The following KATNAL2 variants were observed in gnomAD, a reference collection of about 807,000 sequenced individuals.
KATNAL2 encodes katanin p60 ATPase-containing subunit A-like 2.
KATNAL2 carries 52 observed loss-of-function variants against 76.3 expected under a neutral mutation model. The observed-to-expected ratio is 0.68, with a 90% CI of 0.55 to 0.86. KATNAL2 has a LOEUF of 0.86. Ranked by LOEUF, KATNAL2 falls within the 40% of genes least tolerant of loss-of-function variation. The pLI, the probability that KATNAL2 is intolerant of heterozygous loss-of-function variation, is 0.00. For synonymous variants in KATNAL2, 243 were observed against 244.2 expected, an observed-to-expected ratio of 1.00 and a Z score of 0.05; for missense variants, 660 against 668.9, an observed-to-expected ratio of 0.99 and a Z score of 0.15.
At chr18:47,093,203 T>C (rs1034800487) in intron 15 of KATNAL2, among the ~76,000 whole-genome samples, 14 of 152,220 alleles carry the variant, frequency 9.2e-5, no homozygotes, top group African/African-American at 2.7e-4. Flanking sequence ...TAAATCTTCA[T>C]GCCTGCCTCA....
chr18:47,031,722 A>T (rs1206521721), intron 3 of KATNAL2, among the ~76,000 whole-genome samples: 1 of 151,996 alleles, frequency 6.6e-6, no homozygotes, highest in African/African-American at 2.4e-5. Flanking sequence ...TATGTGATCC[A>T]CCCACCTCGG....
At chr18:46,965,592 C>T (rs1940288912) in intron 3 of KATNAL2, among the ~76,000 whole-genome samples, 7 of 100,896 alleles carry the variant, frequency 6.9e-5, no homozygotes, top group Admixed American at 1.7e-4. Flanking sequence ...CCCCCCCCCC[C>T]CCGCCCCCAA....
In KATNAL2 at chr18:47,033,252, C is replaced by G. The variant is rs757280925; in HGVS notation, c.52-13205C>G. ...CCGCGGGCTTGGAGGCTGGCTTGAT[C>G]TCCCCATTTTCGGGGTCAGCGTCTC... On this transcript the variant is annotated intron_variant, in intron 3 of 17. Coordinates refer to ENST00000683218, the MANE Select transcript of KATNAL2 (RefSeq NM_001387690.1). 5 of 1,613,694 alleles carry G rather than the reference C, an allele frequency of 3.1e-6. No homozygotes were observed. In the South Asian group the frequency reaches 5.5e-5, roughly 18 times the overall value.
At chr18:47,034,509 T>G in intron 3 of KATNAL2, 1 of 1,614,186 alleles carries the variant, frequency 6.2e-7, no homozygotes, top group Non-Finnish European at 8.5e-7. Context: ...CCCCGCATGA[T>G]TTCTCCCTGA....
chr18:47,034,061 A>T (rs745657241), intron 3 of KATNAL2: 5 of 1,614,086 alleles, frequency 3.1e-6, no homozygotes, highest in Admixed American at 1.7e-5. Flanking sequence ...GTGGTGGCAG[A>T]TTTTCCAGTC....
Position 47,063,306 on chromosome 18 carries a change from G to C in KATNAL2, c.671G>C (p.Ser224Thr). 2 of 1,613,972 alleles carry C rather than the reference G, an allele frequency of 1.2e-6. No homozygotes were observed. The highest frequency in any genetic ancestry group is 1.7e-6 in the Non-Finnish European group (2 of 1,179,924). The part of the protein sequence containing the change: ...DPSERLLKPL[S>T]AFIGMNSEMR... ...CAGGAACGACTGCTGAAACCTCTGAGTGCATTTATTGGCATGAACAGTGAG... is the reference window on the plus strand; with the variant it reads ...CAGGAACGACTGCTGAAACCTCTGACTGCATTTATTGGCATGAACAGTGAG... Residue 224 changes from serine (S) to threonine (T), a missense_variant, in exon 10 of 18, where the codon AGT becomes ACT. Transcript: ENST00000683218.
chr18:47,069,400 C>T lies in KATNAL2; in HGVS notation c.890-82C>T. 5 of 1,382,054 alleles carry T rather than the reference C, an allele frequency of 3.6e-6. No individual in the cohort carries two copies. The Admixed American group carries it at 7.4e-5, about 21-fold the overall frequency. The allele number at this position is 1,382,054 out of a possible 1,614,324, so 85.6% of individuals were successfully genotyped here. A position where few individuals can be genotyped will look rare whatever the true frequency, so the allele number is the denominator to read the frequency against. ...CGAGAGCTGAGCAGTCACTTCCTTCCTTGTGTGTGAGACTGACTTCTGTCT... is the reference window on the plus strand; with the variant it reads ...CGAGAGCTGAGCAGTCACTTCCTTCTTTGTGTGTGAGACTGACTTCTGTCT... On this transcript the variant is annotated intron_variant, in intron 12 of 17. Coordinates refer to ENST00000683218, the MANE Select transcript of KATNAL2 (RefSeq NM_001387690.1).
At chr18:46,952,399 T>TTG (rs1195538131) in intron 3 of KATNAL2, among the ~76,000 whole-genome samples, 1 of 132,544 alleles carries the variant, frequency 7.5e-6, no homozygotes, top group Admixed American at 7.4e-5. Flanking sequence ...GTATGTTTTT[T>TTG]TTTTTTTTTT....
At chr18:47,047,948 C>A (rs529107273) in intron 4 of KATNAL2, among the ~76,000 whole-genome samples, 1 of 152,244 alleles carries the variant, frequency 6.6e-6, no homozygotes, top group South Asian at 2.1e-4. Flanking sequence ...TTCAAGTGAT[C>A]CTCCTGCCTC....
chr18:47,046,388 C>T, intron 3 of KATNAL2, 69 bp from the exon 4 acceptor site: 1 of 1,056,452 alleles, frequency 9.5e-7, no homozygotes, highest in Admixed American at 2.0e-5. Flanking sequence ...ATTTACCTTC[C>T]AGGGTTTATT....
chr18:47,070,449 T>C (rs2061960828), intron 13 of KATNAL2, among the ~76,000 whole-genome samples: 4 of 152,274 alleles, frequency 2.6e-5, no homozygotes, highest in South Asian at 2.1e-4. Context: ...ACATTTATAG[T>C]TGATGTTATA....
chr18:47,054,735 G>C (rs2061425062), intron 6 of KATNAL2: 2 of 333,058 alleles, frequency 6.0e-6, no homozygotes, highest in Non-Finnish European at 5.4e-6. Context: ...TCAACTCCTG[G>C]CTCTGCTATT....
At chr18:46,948,486 G>A (rs1339941714) in intron 3 of KATNAL2, among the ~76,000 whole-genome samples, 2 of 146,560 alleles carry the variant, frequency 1.4e-5, no homozygotes, top group Admixed American at 6.9e-5. Flanking sequence ...GTGCAATGGT[G>A]TGATCTTGGC....
chr18:47,069,742 G>A lies in KATNAL2; in HGVS notation c.1008+142G>A, dbSNP rs867043121. ...CTGGATCTTGATTACCAGCAGCTTG[G>A]GAAATGGATTGTCTATTACGTGTGG... On this transcript the variant is annotated intron_variant, in intron 13 of 17. Transcript: ENST00000683218. 1.4e-4 allele frequency: 79 copies of A among 575,624 alleles called. 1 individual carries two copies. The Middle Eastern group carries it at 5.1e-3, about 37-fold the overall frequency. The allele number at this position is 575,624 out of a possible 1,614,324, so 35.7% of individuals were successfully genotyped here. A position where few individuals can be genotyped will look rare whatever the true frequency, so the allele number is the denominator to read the frequency against.
At chr18:47,033,348 T>C (rs752510081) in intron 3 of KATNAL2, 30 of 1,613,960 alleles carry the variant, frequency 1.9e-5, no homozygotes, top group Non-Finnish European at 4.2e-6. Flanking sequence ...AGATCATCTT[T>C]GCCTCTCTGC....
In KATNAL2 at chr18:46,946,849, T is replaced by C; in HGVS notation, c.-19-5T>C. On this transcript the variant is annotated splice_polypyrimidine_tract_variant and splice_region_variant and intron_variant, in intron 2 of 17. Transcript: ENST00000683218. ...AGTAACTGACTACTTTTCTCCCTTCTCTAGGGTCCTAGCACAGTGTCTGAT... is the reference window on the plus strand; with the variant it reads ...AGTAACTGACTACTTTTCTCCCTTCCCTAGGGTCCTAGCACAGTGTCTGAT... 6.5e-7 allele frequency: 1 copy of C among 1,535,004 alleles called. No individual in the cohort carries two copies. The highest frequency in any genetic ancestry group is 8.7e-7 in the Non-Finnish European group (1 of 1,146,190).
intron 3 of KATNAL2, among the ~76,000 whole-genome samples, chr18:47,046,172 T>C (rs1038534211): frequency 2.0e-5 from 3 of 152,168 alleles, no homozygotes; most frequent in African/African-American, 4.8e-5. Flanking sequence ...TCTTCACGAT[T>C]ATAAGCAATA....
At chr18:47,046,189 C>T (rs2061151555) in intron 3 of KATNAL2, among the ~76,000 whole-genome samples, 1 of 152,104 alleles carries the variant, frequency 6.6e-6, no homozygotes, top group Admixed American at 6.6e-5. Flanking sequence ...AATAAAAGGC[C>T]GATTGGCTCG....
At chr18:46,949,141 TC>T (rs2059473748) in intron 3 of KATNAL2, among the ~76,000 whole-genome samples, 1 of 151,968 alleles carries the variant, frequency 6.6e-6, no homozygotes, top group Non-Finnish European at 1.5e-5. Context: ...CAAGTGATCC[TC>T]CCACCTCGGC....
Sources: gnomAD v4.1 joint callset for allele counts (sites outside exome capture counted in the v4.1 genomes callset) on GRCh38, gnomAD v4.1.1 for gene constraint, MANE v1.5 for transcripts, NCBI Gene and HGNC (gene_info 2026-07-23, HGNC 2026-07-21) for gene names.